KAZN: variants seen among roughly 807,000 people sequenced by gnomAD.
KAZN encodes the protein kazrin, periplakin interacting protein, also known as kazrin.
KAZN carries 40 observed loss-of-function variants against 87.4 expected under a neutral mutation model. That is an observed-to-expected ratio of 0.46 (90% CI 0.36 to 0.60). The LOEUF is 0.60. Among genes scored for constraint, KAZN ranks in the 20% least tolerant of loss-of-function variants. The pLI, the probability that KAZN is intolerant of heterozygous loss-of-function variation, is 0.00. For synonymous variants in KAZN, 466 were observed against 458.3 expected, an observed-to-expected ratio of 1.02 and a Z score of -0.22; for missense variants, 898 against 1,073.9, an observed-to-expected ratio of 0.84 and a Z score of 2.29.
chr1:14,067,792 C>G (rs1174198089), intron 1 of KAZN, among the ~76,000 whole-genome samples: 1 of 152,194 alleles, frequency 6.6e-6, no homozygotes, highest in Admixed American at 6.5e-5. Context: ...TGATCCAGGG[C>G]ACCCACGATG....
chr1:14,854,070 A>C (rs1052483685), intron 1 of KAZN, among the ~76,000 whole-genome samples: 3 of 152,174 alleles, frequency 2.0e-5, no homozygotes, highest in Non-Finnish European at 4.4e-5. Flanking sequence ...GCCCACCTGG[A>C]GGGCCATCAG....
At chr1:14,020,035 G>C (rs1289397904) in intron 1 of KAZN, among the ~76,000 whole-genome samples, 1 of 151,938 alleles carries the variant, frequency 6.6e-6, no homozygotes, top group Admixed American at 6.6e-5. Flanking sequence ...GGTCCCATCT[G>C]GGGGTGATGG....
intron 1 of KAZN, among the ~76,000 whole-genome samples, chr1:13,966,670 C>G (rs1641956564): frequency 6.6e-6 from 1 of 152,104 alleles, no homozygotes; most frequent in Admixed American, 6.6e-5. Flanking sequence ...TTGGGTGCTC[C>G]AAGTGTGGCT....
At chr1:15,070,977 C>T (rs771708598) in intron 8 of KAZN, among the ~76,000 whole-genome samples, 18 of 152,212 alleles carry the variant, frequency 1.2e-4, no homozygotes, top group Non-Finnish European at 2.2e-4. Flanking sequence ...GGTCCCTGGC[C>T]CCCACCTGTT....
At chr1:14,373,830 A>C (rs1449811894) in intron 2 of KAZN, among the ~76,000 whole-genome samples, 1 of 152,214 alleles carries the variant, frequency 6.6e-6, no homozygotes, top group Non-Finnish European at 1.5e-5. Context: ...TATATTAAAG[A>C]TGAAAGTTGT....
rs146523927 is a variant in KAZN at position 14,558,443 on chromosome 1, G to A, written c.250-40540G>A. 1.6e-4 allele frequency among the ~76,000 whole-genome samples: 25 copies of A among 152,260 alleles called. 1 individual carries two copies. In the East Asian group the frequency reaches 1.7e-3, roughly 11 times the overall value. ...TCCAAGATGCTTAGCAAGGATTATC[G>A]TTTGTTGGGAGGTCCTTGGATGAGC... is the stretch of plus-strand genomic sequence containing the variant. On this transcript the variant is annotated intron_variant, in intron 2 of 16. Coordinates refer to the KAZN transcript ENST00000636203.
intron 2 of KAZN, among the ~76,000 whole-genome samples, chr1:15,022,608 G>C (rs1292059841): frequency 2.0e-5 from 3 of 152,174 alleles, no homozygotes; most frequent in Non-Finnish European, 4.4e-5. Flanking sequence ...ACCCAGCCGA[G>C]CCCACAGACA....
intron 1 of KAZN, among the ~76,000 whole-genome samples, chr1:14,796,567 C>G (rs1645834661): frequency 6.6e-6 from 1 of 152,190 alleles, no homozygotes; most frequent in Non-Finnish European, 1.5e-5. Context: ...CTGGAGAGCT[C>G]CAGGATGCGT....
At chr1:13,942,086 G>A (rs569929136) in intron 1 of KAZN, among the ~76,000 whole-genome samples, 61 of 152,166 alleles carry the variant, frequency 4.0e-4, no homozygotes, top group African/African-American at 1.3e-3. Flanking sequence ...TCCAGTTAGC[G>A]CCCTGAAATG....
intron 1 of KAZN, among the ~76,000 whole-genome samples, chr1:14,842,009 G>A (rs1405623376): frequency 6.6e-6 from 1 of 152,146 alleles, no homozygotes; most frequent in Admixed American, 6.5e-5. Context: ...GGGCTTTGCT[G>A]GGATGTGCCC....
At chr1:14,872,529 G>A (rs1250169565) in intron 1 of KAZN, among the ~76,000 whole-genome samples, 5 of 152,202 alleles carry the variant, frequency 3.3e-5, no homozygotes, top group African/African-American at 1.2e-4. Flanking sequence ...AATATTCATT[G>A]CATCCCTTAA....
intron 2 of KAZN, among the ~76,000 whole-genome samples, chr1:14,370,655 G>A (rs547559451): frequency 2.5e-4 from 38 of 152,274 alleles, no homozygotes; most frequent in Admixed American, 1.4e-3. Context: ...GATCTCTGAG[G>A]TTTCTTTGGA....
intron 2 of KAZN, among the ~76,000 whole-genome samples, chr1:14,438,841 A>G (rs1029674818): frequency 6.6e-6 from 1 of 152,244 alleles, no homozygotes; most frequent in Non-Finnish European, 1.5e-5. Context: ...CTGATAGGCT[A>G]AAGTAGAAGT....
chr1:14,265,466 G>A (rs760870274), intron 2 of KAZN, among the ~76,000 whole-genome samples: 14 of 152,170 alleles, frequency 9.2e-5, no homozygotes, highest in South Asian at 2.1e-4. Context: ...GGTGAAATAC[G>A]CAGCAATGAT....
chr1:14,749,219 G>A (rs1001674363), intron 1 of KAZN, among the ~76,000 whole-genome samples: 8 of 152,144 alleles, frequency 5.3e-5, no homozygotes, highest in Middle Eastern at 3.2e-3. Flanking sequence ...TCTCAACACA[G>A]TGCTATGGGC....
At chr1:14,104,905 T>C (rs984900744) in intron 1 of KAZN, among the ~76,000 whole-genome samples, 31 of 152,362 alleles carry the variant, frequency 2.0e-4, no homozygotes, top group African/African-American at 7.5e-4. Context: ...TGCATTTTTT[T>C]CCCAGAAATT....
At chr1:14,806,320 C>G (rs1646220837) in intron 1 of KAZN, among the ~76,000 whole-genome samples, 1 of 152,216 alleles carries the variant, frequency 6.6e-6, no homozygotes, top group Non-Finnish European at 1.5e-5. Flanking sequence ...GGGGTTTTGG[C>G]TAGCAGCTTG....
At chr1:14,766,191 C>T (rs978652756) in intron 1 of KAZN, among the ~76,000 whole-genome samples, 2 of 152,128 alleles carry the variant, frequency 1.3e-5, no homozygotes, top group African/African-American at 4.8e-5. Context: ...CTACAGGACA[C>T]GGGTATGTCT....
At chr1:14,791,329 G>A (rs965538164) in intron 1 of KAZN, among the ~76,000 whole-genome samples, 4 of 152,172 alleles carry the variant, frequency 2.6e-5, no homozygotes, top group East Asian at 1.9e-4. Flanking sequence ...GCCAACACCT[G>A]CACACGAGAA....
Sources: gnomAD v4.1 joint callset for allele counts (sites outside exome capture counted in the v4.1 genomes callset) on GRCh38, gnomAD v4.1.1 for gene constraint, MANE v1.5 for transcripts, NCBI Gene and HGNC (gene_info 2026-07-23, HGNC 2026-07-21) for gene names.